The following WDR25 variants were observed in gnomAD, a reference collection of about 807,000 sequenced individuals.
WDR25 encodes the protein WD repeat domain 25.
Under a neutral mutation model 47.7 loss-of-function variants are expected in WDR25, and 35 were observed. The ratio of observed to expected loss-of-function variants is 0.73; its 90% CI spans 0.56 to 0.97. The LOEUF (loss-of-function observed/expected upper bound fraction) is 0.97. Ranked by LOEUF, WDR25 falls within the 50% of genes least tolerant of loss-of-function variation. WDR25 has a pLI of 0.00. For missense variants in WDR25, 634 were observed against 704.7 expected (o/e 0.90, Z 1.14); for synonymous variants, 248 against 278.9 (o/e 0.89, Z 1.10).
Position 100,529,489 on chromosome 14 carries a change from G to A in WDR25, c.1413+281G>A. ...GGAACAGGACAAAATGGTCATGGGTGTCATTTCTGCATCCTTCCCTTTCCT... is the reference window on the plus strand; with the variant it reads ...GGAACAGGACAAAATGGTCATGGGTATCATTTCTGCATCCTTCCCTTTCCT... On this transcript the variant is annotated intron_variant, in intron 6 of 6. Transcript: ENST00000402312. This position sits in a 1 kb window ranked among gnomAD's most constrained non-coding sequence, Gnocchi z 5.1. 1.7e-6 allele frequency: 1 copy of A among 593,516 alleles called. No homozygotes were observed. The highest frequency in any genetic ancestry group is 3.0e-6 in the Non-Finnish European group (1 of 335,870). The allele number at this position is 593,516 out of a possible 1,614,324, so 36.8% of individuals were successfully genotyped here.
At position 100,425,606 on chromosome 14, in the gene WDR25, C is replaced by G. The variant is rs191839872; in HGVS notation, c.823-42415C>G. 6.6e-6 allele frequency among the ~76,000 whole-genome samples: 1 copy of G among 152,202 alleles called. No individual in the cohort carries two copies. The highest frequency in any genetic ancestry group is 3.2e-3 in the Middle Eastern group (1 of 316). On this transcript the variant is annotated intron_variant, in intron 2 of 6. Transcript: ENST00000402312. The surrounding 1 kb of genome is among the most constrained non-coding windows in gnomAD (Gnocchi z 4.8). ...CATGAAGCTCATCAGGCAGCACCGT[C>G]GGACGCTGATGGTGGGGGCTGGGCC...
intron 1 of WDR25, chr14:100,376,700 C>A (rs948164311): frequency 8.1e-7 from 1 of 1,231,198 alleles, no homozygotes. Flanking sequence ...CAAAACCCAT[C>A]TCTGGTCGTA....
chr14:100,528,714 C>T (rs1157446021), intron 5 of WDR25, among the ~76,000 whole-genome samples: 1 of 152,190 alleles, frequency 6.6e-6, no homozygotes, highest in East Asian at 1.9e-4. Flanking sequence ...GGAATTAGAA[C>T]ATGGGTATAT....
chr14:100,421,147 A>T (rs1898015430), intron 2 of WDR25, among the ~76,000 whole-genome samples: 1 of 152,220 alleles, frequency 6.6e-6, no homozygotes, highest in African/African-American at 2.4e-5. Flanking sequence ...GACAGAGAAG[A>T]GGAAGAGTAG....
intron 2 of WDR25, among the ~76,000 whole-genome samples, chr14:100,462,294 A>C (rs899372477): frequency 2.0e-5 from 3 of 152,248 alleles, no homozygotes; most frequent in African/African-American, 7.2e-5. Context: ...TAGTTAATAC[A>C]TGAAATCATC....
intron 2 of WDR25, among the ~76,000 whole-genome samples, chr14:100,400,996 G>A (rs776238047): frequency 5.9e-5 from 9 of 152,170 alleles, no homozygotes; most frequent in East Asian, 1.9e-4. Flanking sequence ...GAATGTTCAC[G>A]TTAAAAACAA....
intron 2 of WDR25, among the ~76,000 whole-genome samples, chr14:100,390,813 G>T (rs1209280744): frequency 6.6e-6 from 1 of 152,150 alleles, no homozygotes; most frequent in East Asian, 1.9e-4. Context: ...CGTAAAAGTG[G>T]CTGCGTCTTC....
chr14:100,433,525 A>G (rs891990073), intron 2 of WDR25, among the ~76,000 whole-genome samples: 2 of 152,252 alleles, frequency 1.3e-5, no homozygotes, highest in Non-Finnish European at 2.9e-5. Flanking sequence ...ACTTTGAGAC[A>G]ACATAAGTAT....
intron 2 of WDR25, among the ~76,000 whole-genome samples, chr14:100,454,225 C>T (rs1442265126): frequency 6.6e-6 from 1 of 152,084 alleles, no homozygotes; most frequent in Non-Finnish European, 1.5e-5. Context: ...TTTTGTGAAG[C>T]TGGTGGTGGT....
intron 3 of WDR25, among the ~76,000 whole-genome samples, 180 bp from the exon 4 acceptor site, chr14:100,483,814 G>A (rs1278915004): frequency 6.6e-6 from 1 of 152,192 alleles, no homozygotes; most frequent in East Asian, 1.9e-4. Context: ...GAGAAACAGA[G>A]AATAAGGGCA....
At chr14:100,399,540 T>C (rs773556451) in intron 2 of WDR25, among the ~76,000 whole-genome samples, 17 of 152,172 alleles carry the variant, frequency 1.1e-4, no homozygotes, top group Non-Finnish European at 2.1e-4. Context: ...CCTGTGCCCC[T>C]CTCGCTCTCT....
chr14:100,510,652 C>T (rs1171625547), intron 4 of WDR25, among the ~76,000 whole-genome samples: 1 of 151,724 alleles, frequency 6.6e-6, no homozygotes, highest in African/African-American at 2.4e-5. Flanking sequence ...AGGAGAATCA[C>T]TTGAACCCGG....
intron 4 of WDR25, among the ~76,000 whole-genome samples, chr14:100,504,882 C>T (rs1390203921): frequency 1.3e-5 from 2 of 152,186 alleles, no homozygotes; most frequent in South Asian, 4.1e-4. Context: ...TTCTCACCAA[C>T]ACTTGGTGTT....
intron 1 of WDR25, 168 bp downstream of exon 1, chr14:100,376,663 C>T: frequency 8.1e-7 from 1 of 1,231,722 alleles, no homozygotes; most frequent in Non-Finnish European, 1.0e-6. Context: ...TTACTATTGA[C>T]AGCTCAGCTA....
intron 2 of WDR25, among the ~76,000 whole-genome samples, chr14:100,429,274 G>A (rs1191335571): frequency 2.0e-5 from 3 of 152,176 alleles, no homozygotes; most frequent in African/African-American, 7.2e-5. Context: ...GTGCAGCAGA[G>A]GCCAGCCTGC....
Position 100,380,376 on chromosome 14 carries a change from T to C in WDR25, c.-15-534T>C, listed in dbSNP as rs140576441. Among the ~76,000 whole-genome samples the C allele has an allele frequency of 8.3e-3, 1,265 of 152,342 alleles. 22 individuals carry two copies. The highest frequency in any genetic ancestry group is 0.029 in the African/African-American group (1,205 of 41,574). ...CTATAAGTCTTCATGTAGGTCTTGC[T>C]TATTTTTTACAGATTTACCCCCAGC... On this transcript the variant is annotated intron_variant, in intron 1 of 6. Coordinates refer to ENST00000402312, the MANE Select transcript of WDR25 (RefSeq NM_001161476.3).
rs7144995 is a variant in WDR25 at position 100,488,345 on chromosome 14, C to T, written c.1101+4221C>T. 0.069 allele frequency among the ~76,000 whole-genome samples: 10,417 copies of T among 152,070 alleles called. 1,162 individuals are homozygous for T. The highest frequency in any genetic ancestry group is 0.24 in the African/African-American group (9,805 of 41,418). ...GGGTGTGGTCTGGAACCCAGGATGC[C>T]TGTGGTCTGACCTTTATAGTATTGT... On this transcript the variant is annotated intron_variant, in intron 4 of 6. Coordinates refer to ENST00000402312, the MANE Select transcript of WDR25 (RefSeq NM_001161476.3). The surrounding 1 kb of genome is among the most constrained non-coding windows in gnomAD (Gnocchi z 4.2).
At chr14:100,400,232 T>C (rs916756169) in intron 2 of WDR25, among the ~76,000 whole-genome samples, 4 of 152,230 alleles carry the variant, frequency 2.6e-5, no homozygotes, top group African/African-American at 9.6e-5. Flanking sequence ...CATTCCTTGA[T>C]ACTTGTCATG....
intron 3 of WDR25, among the ~76,000 whole-genome samples, chr14:100,483,052 G>C (rs143298637): frequency 6.6e-6 from 1 of 152,172 alleles, no homozygotes; most frequent in African/African-American, 2.4e-5. Flanking sequence ...GACTCCCACA[G>C]TGAGAACACC....
Sources: gnomAD v4.1 joint callset for allele counts (sites outside exome capture counted in the v4.1 genomes callset) on GRCh38, gnomAD v4.1.1 for gene constraint, Gnocchi (gnomAD v3.1) non-coding constraint, MANE v1.5 for transcripts, NCBI Gene and HGNC (gene_info 2026-07-23, HGNC 2026-07-21) for gene names.